Variants in BEAN1 observed in about 807,000 individuals in gnomAD.
BEAN1 encodes the protein protein BEAN1.
BEAN1 carries 17 observed loss-of-function variants against 17.7 expected under a neutral mutation model. The ratio of observed to expected loss-of-function variants is 0.96; its 90% confidence interval spans 0.66 to 1.44. The LOEUF is 1.44. Ranked by LOEUF, BEAN1 falls within the 40% of genes most tolerant of loss-of-function variation. The probability of loss-of-function intolerance (pLI) is 0.00; values close to 1 mark genes in which losing one functional copy is unlikely to be tolerated. For missense variants in BEAN1, 359 were observed against 374.1 expected, an observed-to-expected ratio of 0.96 and a Z score of 0.33; for synonymous variants, 142 against 151.8, an observed-to-expected ratio of 0.94 and a Z score of 0.47.
intron 1 of BEAN1, among the ~76,000 whole-genome samples, chr16:66,437,222 C>G (rs1322261978): frequency 6.6e-6 from 1 of 152,150 alleles, no homozygotes; most frequent in East Asian, 1.9e-4. Flanking sequence ...GTTCCCAGCC[C>G]TGATAGTTCC....
At position 66,447,589 on chromosome 16, in the gene BEAN1, G is replaced by T. The variant is rs570080236; in HGVS notation, c.25+9888G>T. On this transcript the variant is annotated intron_variant, in intron 2 of 4. Coordinates refer to ENST00000536005, the MANE Select transcript of BEAN1 (RefSeq NM_001178020.3). The stretch of plus-strand genomic sequence containing the variant: ...TCTCTCCCTTCCCTACCAGCCCCAG[G>T]TTGGCATTGAGAGGCAGCTTGGCAA... Among the ~76,000 whole-genome samples, 3 of 152,304 alleles carry T rather than the reference G, an allele frequency of 2.0e-5. No individual in the cohort carries two copies. In the South Asian group the frequency reaches 6.2e-4, roughly 32 times the overall value.
chr16:66,440,508 C>T (rs1962215178), intron 2 of BEAN1, among the ~76,000 whole-genome samples: 1 of 152,172 alleles, frequency 6.6e-6, no homozygotes, highest in Admixed American at 6.5e-5. Context: ...TGTCCTCCAG[C>T]CAGCCTCTCA....
At chr16:66,462,536 T>A (rs2142418333) in intron 2 of BEAN1, among the ~76,000 whole-genome samples, 1 of 152,296 alleles carries the variant, frequency 6.6e-6, no homozygotes, top group South Asian at 2.1e-4. Context: ...GGGCAGTGGC[T>A]CACACCTGTA....
rs1451694369 is a variant in BEAN1, at chr16:66,473,751, G to C, written c.290-3809G>C. 6.6e-6 allele frequency among the ~76,000 whole-genome samples: 1 copy of C among 152,024 alleles called. No individual in the cohort carries two copies. The highest frequency in any genetic ancestry group is 1.5e-5 in the Non-Finnish European group (1 of 68,006). On this transcript the variant is annotated intron_variant, in intron 3 of 4. Coordinates refer to ENST00000536005, the MANE Select transcript of BEAN1 (RefSeq NM_001178020.3). This position sits in a 1 kb window ranked among gnomAD's most constrained non-coding sequence, Gnocchi z 4.5. Reference sequence around the variant, plus strand: ...AATAATAAATAAAGAGGGAGGGGCAGTGTACCAGTGAACCCCAACCTTTGG... The same window carrying C: ...AATAATAAATAAAGAGGGAGGGGCACTGTACCAGTGAACCCCAACCTTTGG...
intron 2 of BEAN1, among the ~76,000 whole-genome samples, chr16:66,449,606 C>CAAA (rs35721774): frequency 0.47 from 39,258 of 82,790 alleles, 8,885 homozygotes; most frequent in African/African-American, 0.51. Context: ...GACTCCATCT[C>CAAA]AAAAAAAAAA....
At chr16:66,492,064 C>T (rs1964182201) in intron 4 of BEAN1, among the ~76,000 whole-genome samples, 1 of 152,098 alleles carries the variant, frequency 6.6e-6, no homozygotes, top group South Asian at 2.1e-4. Flanking sequence ...GTTCTTGAGA[C>T]AGAGTCTTGC....
rs1477144949 is a variant in BEAN1, at chr16:66,482,012, C to T, written c.*1087C>T. ...AAGGGGATATGCTCCCCATAAATAC[C>T]ACCTTGCCACCACAAGAGGACCAGA... On this transcript the variant is annotated 3_prime_UTR_variant, in exon 5 of 5. Transcript: ENST00000536005. 6.6e-6 allele frequency: 1 copy of T among 152,290 alleles called. No individual in the cohort carries two copies. The highest frequency in any genetic ancestry group is 1.5e-5 in the Non-Finnish European group (1 of 68,088). 9.4% of individuals were successfully genotyped at this position (152,290 alleles called of 1,614,324 possible).
chr16:66,431,644 G>T (rs556159276), intron 1 of BEAN1, among the ~76,000 whole-genome samples: 9 of 151,510 alleles, frequency 5.9e-5, no homozygotes, highest in African/African-American at 2.2e-4. Flanking sequence ...ACGGTATATG[G>T]TATATGCACA....
In BEAN1 at chr16:66,471,313, G is replaced by T. The variant is rs1178195304; in HGVS notation, c.289+1448G>T. ...AAGGAGTGCTTGCTGGGTGCCTGGC[G>T]CTGTCTGTGCACATAATCTCACTGC... On this transcript the variant is annotated intron_variant, in intron 3 of 4. Transcript: ENST00000536005. The surrounding 1 kb of genome is among the most constrained non-coding windows in gnomAD (Gnocchi z 4.7). Among the ~76,000 whole-genome samples, 1 of 152,142 alleles carries T rather than the reference G, an allele frequency of 6.6e-6. No individual in the cohort carries two copies.
At chr16:66,493,232 A>C in exon 5 of BEAN1, 1 of 703,012 alleles carries the variant, frequency 1.4e-6, no homozygotes, top group Non-Finnish European at 2.6e-6. Context: ...CAGCTCAGAG[A>C]AAAGGCTGGT....
intron 2 of BEAN1, among the ~76,000 whole-genome samples, chr16:66,464,347 T>C (rs1409433538): frequency 6.6e-6 from 1 of 152,148 alleles, no homozygotes; most frequent in South Asian, 2.1e-4. Context: ...TTGTATTTTT[T>C]TTTTTCTTTC....
chr16:66,441,392 CCT>C (rs1962251049), intron 2 of BEAN1, among the ~76,000 whole-genome samples: 3 of 152,164 alleles, frequency 2.0e-5, no homozygotes, highest in African/African-American at 4.8e-5. Context: ...GACACACACC[CCT>C]GTTTTTAATT....
In BEAN1 at chr16:66,481,179, G is replaced by A. The variant is rs1044687736; in HGVS notation, c.*254G>A. ...CAAAACCCACCTGCAAAGGTTTCAC[G>A]GAACGTGGAGCTCTCCTGGCCTCCC... is the stretch of plus-strand genomic sequence containing the variant. On this transcript the variant is annotated 3_prime_UTR_variant, in exon 5 of 5. Coordinates refer to ENST00000536005, the MANE Select transcript of BEAN1 (RefSeq NM_001178020.3). This position sits in a 1 kb window ranked among gnomAD's most constrained non-coding sequence, Gnocchi z 4.1. 1.2e-5 allele frequency: 5 copies of A among 417,682 alleles called. No homozygotes were observed. Among genetic ancestry groups the A allele is most frequent in the East Asian group, 1.1e-4 (3 of 28,318 alleles). 25.9% of individuals were successfully genotyped at this position (417,682 alleles called of 1,614,324 possible). A position where few individuals can be genotyped will look rare whatever the true frequency, so the allele number is the denominator to read the frequency against.
Position 66,480,675 on chromosome 16 carries a change from C to T in BEAN1, c.530C>T (p.Thr177Met), listed in dbSNP as rs1054414013. 22 of 1,551,564 alleles carry T rather than the reference C, an allele frequency of 1.4e-5. No homozygotes were observed. Among genetic ancestry groups the T allele is most frequent in the Middle Eastern group, 1.7e-4 (1 of 6,012 alleles). The change falls in exon 5 of 5, where the codon ACG (threonine) becomes ATG (methionine). Residue 177 changes from threonine to methionine, a missense_variant. Thr to Met is a moderately conservative substitution (Grantham distance 81, BLOSUM62 -1). Coordinates refer to ENST00000536005, the MANE Select transcript of BEAN1 (RefSeq NM_001178020.3). ...PPYSLTDSCP[T>M]LDGTSDSGSG... ...TACTCGCTGACTGATTCCTGCCCCA[C>T]GCTGGATGGCACCTCCGACTCAGGC...
Position 66,481,487 on chromosome 16 carries a change from C to T in BEAN1, c.*562C>T, listed in dbSNP as rs1963985399. On this transcript the variant is annotated 3_prime_UTR_variant, in exon 5 of 5. Coordinates refer to ENST00000536005, the MANE Select transcript of BEAN1 (RefSeq NM_001178020.3). This position sits in a 1 kb window ranked among gnomAD's most constrained non-coding sequence, Gnocchi z 4.1. Reference sequence around the variant, plus strand: ...CTGTGCCTATCTCTCGATTCCAGGGCAGATGAGCCACAACATCACCACCCT... The same window carrying T: ...CTGTGCCTATCTCTCGATTCCAGGGTAGATGAGCCACAACATCACCACCCT... The T allele has an allele frequency of 8.1e-6, 3 of 371,844 alleles. No individual in the cohort carries two copies. Among genetic ancestry groups the T allele is most frequent in the Non-Finnish European group, 1.4e-5 (3 of 209,640 alleles). 23.0% of individuals were successfully genotyped at this position (371,844 alleles called of 1,614,324 possible).
At chr16:66,490,682 G>A (rs1964165065) in intron 4 of BEAN1, among the ~76,000 whole-genome samples, 1 of 152,108 alleles carries the variant, frequency 6.6e-6, no homozygotes, top group South Asian at 2.1e-4. Context: ...AGCACTCAAG[G>A]CATGAGGCAT....
intron 3 of BEAN1, among the ~76,000 whole-genome samples, chr16:66,476,670 C>A (rs555635499): frequency 4.2e-4 from 64 of 152,200 alleles, no homozygotes; most frequent in African/African-American, 1.4e-3. Context: ...TCTGGCCCAA[C>A]CACTCACTGT....
chr16:66,484,688 A>G (rs1207970603), downstream of BEAN1: 1 of 454,098 alleles, frequency 2.2e-6, no homozygotes, highest in Non-Finnish European at 4.4e-6. This position sits in a 1 kb window ranked among gnomAD's most constrained non-coding sequence, Gnocchi z 4.2. Flanking sequence ...TGAGGCAGGA[A>G]ACAAGAAAGG....
chr16:66,447,571 C>G (rs1343795024), intron 2 of BEAN1, among the ~76,000 whole-genome samples: 1 of 152,178 alleles, frequency 6.6e-6, no homozygotes, highest in Non-Finnish European at 1.5e-5. Flanking sequence ...TTCTCTCTCC[C>G]TTCCCTACCA....
Sources: gnomAD v4.1 joint callset for allele counts (sites outside exome capture counted in the v4.1 genomes callset) on GRCh38, gnomAD v4.1.1 for gene constraint, Gnocchi (gnomAD v3.1) non-coding constraint, MANE v1.5 for transcripts, NCBI Gene and HGNC (gene_info 2026-07-23, HGNC 2026-07-21) for gene names.